Variants in CTDSPL observed in about 807,000 individuals in gnomAD.
CTDSPL encodes CTD small phosphatase-like protein.
In CTDSPL, 8 loss-of-function variants were observed where a neutral mutation model predicts 30.5. The observed-to-expected ratio is 0.26, with a 90% CI of 0.15 to 0.47. The LOEUF (loss-of-function observed/expected upper bound fraction) is 0.47, where lower values mean the gene tolerates loss of function less well. Ranked by LOEUF, CTDSPL falls within the 20% of genes least tolerant of loss-of-function variation. The pLI, the probability that CTDSPL is intolerant of heterozygous loss-of-function variation, is 0.99. For missense variants in CTDSPL, 248 were observed against 366.1 expected, an observed-to-expected ratio of 0.68 and a Z score of 2.63; for synonymous variants, 110 against 137.9, an observed-to-expected ratio of 0.80 and a Z score of 1.42.
intron 1 of CTDSPL, among the ~76,000 whole-genome samples, chr3:37,886,889 G>A (rs1314704616): frequency 6.6e-6 from 1 of 152,188 alleles, no homozygotes; most frequent in Non-Finnish European, 1.5e-5. Context: ...GTATTTCCAA[G>A]AAAACCTCCC....
At chr3:37,958,769 A>C (rs1699203778) in intron 3 of CTDSPL, among the ~76,000 whole-genome samples, 1 of 152,220 alleles carries the variant, frequency 6.6e-6, no homozygotes, top group African/African-American at 2.4e-5. Flanking sequence ...GAACCTATGA[A>C]CTATCTTGCC....
intron 2 of CTDSPL, 112 bp from the exon 3 acceptor site, chr3:37,956,999 C>T: frequency 2.3e-6 from 2 of 881,340 alleles, no homozygotes; most frequent in Admixed American, 2.2e-5. Flanking sequence ...CACCAAGGTA[C>T]AGAGAATGGC....
chr3:37,980,073 G>A (rs1244430162), intron 7 of CTDSPL, among the ~76,000 whole-genome samples: 2 of 152,102 alleles, frequency 1.3e-5, no homozygotes, highest in African/African-American at 4.8e-5. Flanking sequence ...GGGCTAAAAT[G>A]TTACTTTTAA....
At chr3:37,977,829 C>T (rs1038975530) in intron 7 of CTDSPL, among the ~76,000 whole-genome samples, 2 of 151,636 alleles carry the variant, frequency 1.3e-5, no homozygotes, top group Non-Finnish European at 2.9e-5. Context: ...CCCAGGAGGT[C>T]GAGGCTGCAG....
intron 1 of CTDSPL, among the ~76,000 whole-genome samples, chr3:37,908,610 A>T (rs149614020): frequency 6.6e-6 from 1 of 152,306 alleles, no homozygotes; most frequent in African/African-American, 2.4e-5. Flanking sequence ...TGCTGCATGT[A>T]TAGCTTCTTC....
intron 1 of CTDSPL, among the ~76,000 whole-genome samples, chr3:37,924,818 G>A (rs1416129972): frequency 6.6e-6 from 1 of 152,160 alleles, no homozygotes; most frequent in African/African-American, 2.4e-5. Context: ...ATTTTGGTAG[G>A]CTCTCGCTGT....
intron 1 of CTDSPL, among the ~76,000 whole-genome samples, chr3:37,925,003 C>G (rs1056396772): frequency 6.6e-6 from 1 of 152,174 alleles, no homozygotes; most frequent in Non-Finnish European, 1.5e-5. Context: ...AGGCCCTTCC[C>G]CACTCTGGTC....
At chr3:37,931,449 C>G (rs1354847008) in intron 1 of CTDSPL, among the ~76,000 whole-genome samples, 1 of 152,126 alleles carries the variant, frequency 6.6e-6, no homozygotes, top group African/African-American at 2.4e-5. Context: ...GCCATCACAC[C>G]CAGCCCCCTC....
chr3:37,880,355 C>T (rs1460388878), intron 1 of CTDSPL, among the ~76,000 whole-genome samples: 1 of 148,802 alleles, frequency 6.7e-6, no homozygotes, highest in Non-Finnish European at 1.5e-5. Context: ...TATTACAAGC[C>T]CTTTCATAGT....
At chr3:37,959,494 A>G (rs1699212299) in intron 3 of CTDSPL, among the ~76,000 whole-genome samples, 3 of 152,230 alleles carry the variant, frequency 2.0e-5, no homozygotes, top group Admixed American at 1.3e-4. Context: ...AAACACAAAC[A>G]TATTTATATA....
chr3:37,970,630 A>C (rs1304856618), intron 5 of CTDSPL, among the ~76,000 whole-genome samples: 1 of 152,148 alleles, frequency 6.6e-6, no homozygotes, highest in African/African-American at 2.4e-5. Flanking sequence ...TCCCTAATCA[A>C]GAACCTATGT....
At chr3:37,908,668 G>A (rs748107388) in intron 1 of CTDSPL, among the ~76,000 whole-genome samples, 4 of 152,158 alleles carry the variant, frequency 2.6e-5, no homozygotes, top group Admixed American at 2.6e-4. Flanking sequence ...GAATTACTGG[G>A]TAAAGGAGTG....
At chr3:37,910,011 G>A (rs970467096) in intron 1 of CTDSPL, among the ~76,000 whole-genome samples, 16 of 152,288 alleles carry the variant, frequency 1.1e-4, no homozygotes, top group Admixed American at 6.5e-4. Context: ...CATTTTTAGC[G>A]ATATGACTTT....
intron 1 of CTDSPL, among the ~76,000 whole-genome samples, chr3:37,945,630 G>A (rs1699026712): frequency 6.6e-6 from 1 of 152,218 alleles, no homozygotes. Flanking sequence ...CGCCTGAAAT[G>A]AGATGGCTGG....
chr3:37,939,504 T>C (rs1005540930), intron 1 of CTDSPL, among the ~76,000 whole-genome samples: 3 of 150,316 alleles, frequency 2.0e-5, no homozygotes, highest in African/African-American at 7.3e-5. Flanking sequence ...CTTGGCTGCA[T>C]TGGTCATAAT....
intron 1 of CTDSPL, among the ~76,000 whole-genome samples, chr3:37,915,691 T>C (rs1698637748): frequency 2.0e-5 from 3 of 152,238 alleles, no homozygotes; most frequent in Admixed American, 2.0e-4. Context: ...TTTGGACTCT[T>C]TAAGCATAGT....
Position 37,957,160 on chromosome 3 carries a change from A to G in CTDSPL, c.267+17A>G, listed in dbSNP as rs779139550. The G allele has an allele frequency of 6.5e-7, 1 of 1,542,670 alleles. No individual in the cohort carries two copies. The highest frequency in any genetic ancestry group is 1.4e-5 in the African/African-American group (1 of 72,048). On this transcript the variant is annotated intron_variant, in intron 3 of 7. Transcript: ENST00000273179. The stretch of plus-strand genomic sequence containing the variant: ...ATACCAAGTGTATGTATATTTATCT[A>G]ATTTTATTTATTAAAACAGTCATAA...
chr3:37,913,126 GCC>G (rs1698602277), intron 1 of CTDSPL, among the ~76,000 whole-genome samples: 1 of 152,048 alleles, frequency 6.6e-6, no homozygotes, highest in African/African-American at 2.4e-5. Flanking sequence ...TTTGAGACCA[GCC>G]TGGGCAACAT....
chr3:37,951,028 A>G (rs1469295795), intron 2 of CTDSPL, among the ~76,000 whole-genome samples: 5 of 152,206 alleles, frequency 3.3e-5, no homozygotes, highest in Admixed American at 6.5e-5. Flanking sequence ...ACAAAAAATA[A>G]AAATCTGGGT....
Sources: allele counts gnomAD v4.1 joint callset (sites outside exome capture counted in the v4.1 genomes callset), GRCh38; gene constraint gnomAD v4.1.1; transcripts MANE v1.5; gene names NCBI Gene and HGNC (gene_info 2026-07-23, HGNC 2026-07-21).